The following MBP variants were observed in gnomAD, a reference collection of about 807,000 sequenced individuals.
The protein encoded by MBP is myelin basic protein, also known as Golli-MBP.
MBP carries 16 observed loss-of-function variants against 35.8 expected under a neutral mutation model. The ratio of observed to expected loss-of-function variants is 0.45; its 90% CI spans 0.30 to 0.68. The LOEUF is 0.68. Ranked by LOEUF, MBP falls within the 30% of genes least tolerant of loss-of-function variation. The probability of loss-of-function intolerance (pLI) is 0.08; values close to 1 mark genes in which losing one functional copy is unlikely to be tolerated. For synonymous variants in MBP, 143 were observed against 159.6 expected (o/e 0.90, Z 0.78); for missense variants, 380 against 404.7 (o/e 0.94, Z 0.52).
chr18:77,089,162 G>A (rs559741306), intron 2 of MBP, among the ~76,000 whole-genome samples: 7 of 152,328 alleles, frequency 4.6e-5, no homozygotes, highest in African/African-American at 1.7e-4. Context: ...CGAACTACAC[G>A]GCCTGCCTTC....
intron 4 of MBP, among the ~76,000 whole-genome samples, chr18:77,007,646 A>G (rs1039973676): frequency 5.3e-5 from 8 of 152,126 alleles, no homozygotes; most frequent in African/African-American, 1.9e-4. Context: ...ACCCCCACAC[A>G]AACACACACG....
At chr18:77,119,650 A>G (rs1482279647) in intron 1 of MBP, among the ~76,000 whole-genome samples, 1 of 152,084 alleles carries the variant, frequency 6.6e-6, no homozygotes, top group African/African-American at 2.4e-5. Flanking sequence ...TGGAGAAGAG[A>G]CCACCTGGTG....
At chr18:76,991,266 T>A (rs1470225719) in intron 4 of MBP, among the ~76,000 whole-genome samples, 1 of 152,116 alleles carries the variant, frequency 6.6e-6, no homozygotes, top group Non-Finnish European at 1.5e-5. Context: ...CAGGGCCAGC[T>A]GGTAATCAAC....
Position 76,979,730 on chromosome 18 carries a change from G to C in MBP, c.*697C>G, listed in dbSNP as rs1428198586. 4.6e-5 allele frequency: 26 copies of C among 568,058 alleles called. No individual in the cohort carries two copies. In the East Asian group the frequency reaches 7.7e-4, roughly 17 times the overall value. 35.2% of individuals were successfully genotyped at this position (568,058 alleles called of 1,614,324 possible). On this transcript the variant is annotated 3_prime_UTR_variant, in exon 9 of 9. Transcript: ENST00000355994. ...TATGTGAGGCCATTGCCCAGCCCAC[G>C]TTTGCCTCCTTTTCCTCCCTCTGCC...
chr18:77,021,523 GCCCAGGTTGGAGTGTGATGGCA>G (rs2123506741), intron 3 of MBP, among the ~76,000 whole-genome samples: 1 of 132,602 alleles, frequency 7.5e-6, no homozygotes, highest in South Asian at 2.4e-4. Flanking sequence ...TCACTCTGTC[GCCCAGGTTGGAGTGTGATGGCA>G]CAATCTCAGC....
intron 8 of MBP, 158 bp from the exon 9 acceptor site, chr18:76,980,629 T>C: frequency 1.6e-6 from 1 of 623,804 alleles, no homozygotes; most frequent in Non-Finnish European, 2.9e-6. Context: ...TTTCATTCCA[T>C]TTCTCCCGAC....
chr18:77,029,304 G>A (rs898917042), intron 3 of MBP, among the ~76,000 whole-genome samples: 2 of 149,882 alleles, frequency 1.3e-5, no homozygotes, highest in East Asian at 2.0e-4. Flanking sequence ...GCAGGCACTC[G>A]GCAGGCTGAG....
At chr18:77,106,440 C>T (rs1254163440) in intron 1 of MBP, among the ~76,000 whole-genome samples, 1 of 152,162 alleles carries the variant, frequency 6.6e-6, no homozygotes, top group African/African-American at 2.4e-5. Flanking sequence ...AGAAGAGAAG[C>T]AAACGCCTAC....
intron 3 of MBP, among the ~76,000 whole-genome samples, chr18:77,019,430 G>A (rs1971895347): frequency 6.6e-6 from 1 of 151,956 alleles, no homozygotes; most frequent in African/African-American, 2.4e-5. Context: ...TGAAGATGGA[G>A]GAGGAGCCTG....
chr18:77,009,787 A>G, intron 4 of MBP: 1 of 1,408,894 alleles, frequency 7.1e-7, no homozygotes, highest in African/African-American at 1.4e-5. Context: ...ACAGTGGCTG[A>G]GAGCTCAGGA....
At chr18:77,023,508 G>T (rs1343038657) in intron 3 of MBP, among the ~76,000 whole-genome samples, 1 of 152,072 alleles carries the variant, frequency 6.6e-6, no homozygotes, top group Non-Finnish European at 1.5e-5. Flanking sequence ...CTCATCTCCA[G>T]GATCCCTTCG....
At chr18:77,062,310 T>A (rs2144776698) in intron 3 of MBP, among the ~76,000 whole-genome samples, 1 of 152,276 alleles carries the variant, frequency 6.6e-6, no homozygotes. Context: ...CCCGCCTGGT[T>A]TCTAAGGAGG....
intron 1 of MBP, among the ~76,000 whole-genome samples, chr18:77,129,940 T>C (rs1422484499): frequency 6.7e-6 from 1 of 149,786 alleles, no homozygotes; most frequent in African/African-American, 2.5e-5. Context: ...TCCCAGCTAC[T>C]GGGGAGGCTG....
rs776445663 is a variant in MBP, at chr18:76,988,347, C to T, written c.750+148G>A. The T allele has an allele frequency of 3.8e-5, 61 of 1,603,390 alleles. 2 individuals carry two copies. Among genetic ancestry groups the T allele is most frequent in the South Asian group, 3.6e-4 (32 of 89,684 alleles). On this transcript the variant is annotated intron_variant, in intron 7 of 8. Coordinates refer to ENST00000355994, the MANE Select transcript of MBP (RefSeq NM_001025101.2). This position sits in a 1 kb window ranked among gnomAD's most constrained non-coding sequence, Gnocchi z 5.2. ...TTCATTTCCCCAGTGGAAGACAAGGCGGCCCGATCCCAGCTGTGGGCAGAG... is the reference window on the plus strand; with the variant it reads ...TTCATTTCCCCAGTGGAAGACAAGGTGGCCCGATCCCAGCTGTGGGCAGAG...
chr18:77,072,448 C>T (rs1310827717), intron 2 of MBP, among the ~76,000 whole-genome samples: 4 of 152,210 alleles, frequency 2.6e-5, no homozygotes, highest in Non-Finnish European at 5.9e-5. Flanking sequence ...AGACCTCGGG[C>T]TCTCTGAAGC....
chr18:77,080,154 T>TA lies in MBP; in HGVS notation c.52-13770dup, dbSNP rs199770774. 1.1e-3 allele frequency among the ~76,000 whole-genome samples: 160 copies of TA among 151,958 alleles called. 1 individual carries two copies. The highest frequency in any genetic ancestry group is 2.0e-3 in the Non-Finnish European group (134 of 67,922). On this transcript the variant is annotated intron_variant, in intron 2 of 8. Transcript: ENST00000355994. ...TATTGGTCAGCATTTTTTGTTTCTT[T>TA]AAAAAAAAATCATAGTTTTATTCTT... is the stretch of plus-strand genomic sequence containing the variant.
intron 1 of MBP, chr18:77,114,992 G>A (rs966215366): frequency 6.6e-6 from 1 of 152,364 alleles, no homozygotes; most frequent in Non-Finnish European, 1.5e-5. Context: ...AAGCCCTGAT[G>A]GTGGATGCAG....
chr18:77,072,411 T>C (rs1319285563), intron 2 of MBP, among the ~76,000 whole-genome samples: 2 of 152,198 alleles, frequency 1.3e-5, no homozygotes, highest in Non-Finnish European at 2.9e-5. Flanking sequence ...GTACGTCGTA[T>C]CAAAATCATT....
intron 2 of MBP, among the ~76,000 whole-genome samples, chr18:77,104,558 T>TGGTG (rs914165986): frequency 3.9e-5 from 6 of 152,152 alleles, no homozygotes; most frequent in Admixed American, 3.9e-4. Flanking sequence ...GCAAACTCCA[T>TGGTG]GGTGGGTGAG....
Sources: gnomAD v4.1 joint callset for allele counts (sites outside exome capture counted in the v4.1 genomes callset) on GRCh38, gnomAD v4.1.1 for gene constraint, Gnocchi (gnomAD v3.1) non-coding constraint, MANE v1.5 for transcripts, NCBI Gene and HGNC (gene_info 2026-07-23, HGNC 2026-07-21) for gene names.